Variants in ADGRL1 observed in about 807,000 individuals in gnomAD.
ADGRL1 encodes adhesion G protein-coupled receptor L1.
Under a neutral mutation model 148.9 loss-of-function variants are expected in ADGRL1, and 31 were observed. The ratio of observed to expected loss-of-function variants is 0.21; its 90% confidence interval spans 0.16 to 0.28. The LOEUF (loss-of-function observed/expected upper bound fraction) is 0.28, where lower values mean the gene tolerates loss of function less well. ADGRL1 is among the 10% of genes least tolerant of loss of function. The probability of loss-of-function intolerance (pLI) is 1.00; values close to 1 mark genes in which losing one functional copy is unlikely to be tolerated. For missense variants in ADGRL1, 1,521 were observed against 2,058.8 expected, an observed-to-expected ratio of 0.74 and a Z score of 5.05; for synonymous variants, 937 against 900.3, an observed-to-expected ratio of 1.04 and a Z score of -0.73.
intron 1 of ADGRL1, among the ~76,000 whole-genome samples, chr19:14,194,682 A>G (rs934343165): frequency 7.9e-5 from 12 of 151,818 alleles, no homozygotes; most frequent in African/African-American, 2.7e-4. Context: ...CTGTGGGGGG[A>G]TCCTGGGGGG....
intron 4 of ADGRL1, among the ~76,000 whole-genome samples, chr19:14,166,582 A>AG (rs1969987384): frequency 6.8e-6 from 1 of 146,496 alleles, no homozygotes; most frequent in Non-Finnish European, 1.5e-5. Context: ...GAGAGAGAGA[A>AG]AGAGAGAGAG....
intron 1 of ADGRL1, among the ~76,000 whole-genome samples, chr19:14,203,839 G>C (rs987215457): frequency 4.6e-5 from 7 of 152,084 alleles, no homozygotes; most frequent in Non-Finnish European, 8.8e-5. Context: ...CCCAGAAGTG[G>C]GGATTGAGAT....
chr19:14,164,311 C>T (rs751837329), intron 4 of ADGRL1, among the ~76,000 whole-genome samples: 7 of 151,818 alleles, frequency 4.6e-5, no homozygotes, highest in Non-Finnish European at 7.4e-5. Context: ...ACAGGGCTCC[C>T]GGGAGAGTTG....
At chr19:14,202,134 C>G (rs530518164) in intron 1 of ADGRL1, among the ~76,000 whole-genome samples, 4 of 152,100 alleles carry the variant, frequency 2.6e-5, no homozygotes, top group Non-Finnish European at 5.9e-5. Flanking sequence ...AAGGGCCAGA[C>G]CCCAGGACAG....
chr19:14,189,042 G>A (rs1186855112), intron 1 of ADGRL1, among the ~76,000 whole-genome samples: 2 of 152,006 alleles, frequency 1.3e-5, no homozygotes, highest in East Asian at 1.9e-4. Flanking sequence ...ATGAGCCATC[G>A]TGCCCAGCCT....
chr19:14,156,240 C>T, intron 16 of ADGRL1, 39 bp from the exon 17 acceptor site: 2 of 1,481,452 alleles, frequency 1.4e-6, no homozygotes, highest in Non-Finnish European at 1.9e-6. Context: ...CTGAGAGTGG[C>T]CCTGCCTCCC....
rs73509763 is a variant in ADGRL1, at chr19:14,159,979, G to A, written c.1800+133C>T. On this transcript the variant is annotated intron_variant, in intron 8 of 22. Coordinates refer to ENST00000361434, the MANE Select transcript of ADGRL1 (RefSeq NM_014921.5). This position sits in a 1 kb window ranked among gnomAD's most constrained non-coding sequence, Gnocchi z 6.0. ...AGACCCGGCAGTCCTTGGCGGAGAG[G>A]GGGGGGTCCTTCCTCTCTGAGGAAA... The A allele has an allele frequency of 2.4e-5, 26 of 1,074,066 alleles. No homozygotes were observed. Among genetic ancestry groups the A allele is most frequent in the South Asian group, 3.1e-5 (2 of 64,492 alleles). 66.5% of individuals were successfully genotyped at this position (1,074,066 alleles called of 1,614,324 possible).
chr19:14,160,531 GCTGGGCC>G lies in ADGRL1; in HGVS notation c.1614+55_1614+61del, dbSNP rs959143631. On this transcript the variant is annotated intron_variant, in intron 7 of 22. Coordinates refer to ENST00000361434, the MANE Select transcript of ADGRL1 (RefSeq NM_014921.5). This position sits in a 1 kb window ranked among gnomAD's most constrained non-coding sequence, Gnocchi z 5.9. The stretch of plus-strand genomic sequence containing the variant: ...TCTCCCCAGCTGCTCCACGACCCCC[GCTGGGCC>G]CTGGGCCCTGGGCCCGAGCACATGT... 97 of 1,272,404 alleles carry G rather than the reference GCTGGGCC, an allele frequency of 7.6e-5. No individual in the cohort carries two copies. Among genetic ancestry groups the G allele is most frequent in the East Asian group, 1.7e-4 (7 of 41,912 alleles). The allele number at this position is 1,272,404 out of a possible 1,614,324, so 78.8% of individuals were successfully genotyped here. A position where few individuals can be genotyped will look rare whatever the true frequency, so the allele number is the denominator to read the frequency against.
rs760561256 is a variant in ADGRL1, at chr19:14,152,793, T to C, written c.3414A>G (p.Thr1138=). Residue 1138 remains threonine (T), a synonymous_variant, in exon 19 of 23, where the codon ACA becomes ACG. Coordinates refer to ENST00000361434, the MANE Select transcript of ADGRL1 (RefSeq NM_014921.5). The surrounding 1 kb of genome is among the most constrained non-coding windows in gnomAD (Gnocchi z 6.1). ...SAMRSNTRYY[T]GTQSRIRRMW... ...CTGTCTGGCCCGATACCTGGGTCCC[T>C]GTGTAGTAGCGGGTGTTGCTTCGCA... The C allele has an allele frequency of 3.1e-6, 5 of 1,614,096 alleles. No individual in the cohort carries two copies. Among genetic ancestry groups the C allele is most frequent in the South Asian group, 2.2e-5 (2 of 91,072 alleles).
Position 14,153,927 on chromosome 19 carries a change from C to T in ADGRL1, c.3295-1015G>A, listed in dbSNP as rs368024426. 6.6e-5 allele frequency among the ~76,000 whole-genome samples: 10 copies of T among 150,722 alleles called. No homozygotes were observed. The South Asian group carries it at 8.4e-4, about 13-fold the overall frequency. ...ATTGCACTCTAGCCTGGGGACAGAA[C>T]GAGACTCTGTCTCAAAAATAATAAT... On this transcript the variant is annotated intron_variant, in intron 18 of 22. Coordinates refer to ENST00000361434, the MANE Select transcript of ADGRL1 (RefSeq NM_014921.5).
At position 14,162,838 on chromosome 19, in the gene ADGRL1, G is replaced by A. The variant is rs370164626; in HGVS notation, c.963C>T (p.Tyr321=). The change falls in exon 5 of 23, where the codon TAC becomes TAT. Residue 321 remains tyrosine (Y), a synonymous_variant. Coordinates refer to ENST00000361434, the MANE Select transcript of ADGRL1 (RefSeq NM_014921.5). The surrounding 1 kb of genome is among the most constrained non-coding windows in gnomAD (Gnocchi z 5.4). The part of the protein sequence containing the change: ...SNAFMVCGVL[Y]VLRSVYVDDD... Reference sequence around the variant, plus strand: ...CATCCACGTACACGGAACGCAGGACGTACAGGACCCCACACACCATGAAGG... The same window carrying A: ...CATCCACGTACACGGAACGCAGGACATACAGGACCCCACACACCATGAAGG... 9.3e-6 allele frequency: 15 copies of A among 1,613,950 alleles called. No individual in the cohort carries two copies. The highest frequency in any genetic ancestry group is 1.0e-5 in the Non-Finnish European group (12 of 1,180,006).
At position 14,149,229 on chromosome 19, in the gene ADGRL1, G is replaced by A. The variant is rs922495882; in HGVS notation, c.*1644C>T. On this transcript the variant is annotated 3_prime_UTR_variant, in exon 23 of 23. Transcript: ENST00000361434. Reference sequence around the variant, plus strand: ...CGAGCCTGGAGCTTCCGGGGTCTGGGATTTGGGGTCAAGCCGCCCAGAACA... The same window carrying A: ...CGAGCCTGGAGCTTCCGGGGTCTGGAATTTGGGGTCAAGCCGCCCAGAACA... 7 of 152,266 alleles carry A rather than the reference G, an allele frequency of 4.6e-5. No individual in the cohort carries two copies. The highest frequency in any genetic ancestry group is 1.7e-4 in the African/African-American group (7 of 41,444). The allele number at this position is 152,266 out of a possible 1,614,324, so 9.4% of individuals were successfully genotyped here.
chr19:14,197,275 A>G (rs1233002634), intron 1 of ADGRL1, among the ~76,000 whole-genome samples: 1 of 152,034 alleles, frequency 6.6e-6, no homozygotes, highest in Non-Finnish European at 1.5e-5. Context: ...CCGTCTCTAA[A>G]TAAAATAAAA....
chr19:14,205,799 G>A (rs1176978481), intron 1 of ADGRL1, among the ~76,000 whole-genome samples, 186 bp downstream of exon 1: 2 of 151,588 alleles, frequency 1.3e-5, no homozygotes, highest in Non-Finnish European at 3.0e-5. Context: ...TGGGGGTGAG[G>A]TGCGGGCTGC....
chr19:14,165,007 G>A (rs1969818016), intron 4 of ADGRL1, among the ~76,000 whole-genome samples: 1 of 152,176 alleles, frequency 6.6e-6, no homozygotes. Flanking sequence ...CTGGCCCCGA[G>A]GGGATCGGGG....
At chr19:14,151,717 G>T in intron 22 of ADGRL1, 102 bp from the exon 23 acceptor site, 1 of 1,208,762 alleles carries the variant, frequency 8.3e-7, no homozygotes, top group Non-Finnish European at 1.2e-6. Context: ...CTTGATTCCT[G>T]CTGGTTTTCC....
intron 3 of ADGRL1, among the ~76,000 whole-genome samples, chr19:14,171,924 G>A (rs1024376106): frequency 1.3e-5 from 2 of 152,216 alleles, no homozygotes; most frequent in East Asian, 1.9e-4. Flanking sequence ...GGGCATGCAG[G>A]ACATAGTTTG....
intron 1 of ADGRL1, among the ~76,000 whole-genome samples, chr19:14,193,670 A>T (rs544502773): frequency 2.0e-5 from 3 of 152,336 alleles, no homozygotes; most frequent in African/African-American, 7.2e-5. Context: ...CCTTACAGAG[A>T]TAATCAAGTT....
Position 14,160,324 on chromosome 19 carries a change from G to C in ADGRL1, c.1615-27C>G. 6 of 1,570,624 alleles carry C rather than the reference G, an allele frequency of 3.8e-6. No homozygotes were observed. The highest frequency in any genetic ancestry group is 5.2e-6 in the Non-Finnish European group (6 of 1,149,762). ...TGCATGAGGTGGGGGCGGGAAGGGG[G>C]AATCCCAGGACTGTCAGGGACCATC... On this transcript the variant is annotated intron_variant, in intron 7 of 22. Coordinates refer to ENST00000361434, the MANE Select transcript of ADGRL1 (RefSeq NM_014921.5). This position sits in a 1 kb window ranked among gnomAD's most constrained non-coding sequence, Gnocchi z 5.9.
Sources: allele counts gnomAD v4.1 joint callset (sites outside exome capture counted in the v4.1 genomes callset), GRCh38; gene constraint gnomAD v4.1.1; non-coding constraint Gnocchi (gnomAD v3.1); transcripts MANE v1.5; gene names NCBI Gene and HGNC (gene_info 2026-07-23, HGNC 2026-07-21).